KHDC1: variants seen among roughly 807,000 people sequenced by gnomAD.
KHDC1 encodes KH domain containing 1, also known as KH homology domain-containing protein 1.
A neutral mutation model predicts 24.7 loss-of-function variants in KHDC1; 21 were observed. That is an observed-to-expected ratio of 0.85 (90% CI 0.60 to 1.23). The LOEUF (loss-of-function observed/expected upper bound fraction) is 1.23, where lower values mean the gene tolerates loss of function less well. Ranked by LOEUF, KHDC1 falls within the 50% of genes most tolerant of loss-of-function variation. The pLI is 0.00. For missense variants in KHDC1, 274 were observed against 298.5 expected (o/e 0.92, Z 0.61); for synonymous variants, 98 against 111.7 (o/e 0.88, Z 0.77).
chr6:73,288,466 CA>C (rs1234300280), intron 2 of KHDC1, among the ~76,000 whole-genome samples: 2 of 152,120 alleles, frequency 1.3e-5, no homozygotes, highest in Non-Finnish European at 2.9e-5. Flanking sequence ...ACTAAAAATA[CA>C]AACATTAGCT....
At position 73,247,197 on chromosome 6, in the gene KHDC1, C is replaced by T. The variant is rs148105423; in HGVS notation, c.207-4667G>A. Among the ~76,000 whole-genome samples, 1,115 of 151,844 alleles carry T rather than the reference C, an allele frequency of 7.3e-3. 32 individuals are homozygous for T. The East Asian group carries it at 0.075, about 10-fold the overall frequency. On this transcript the variant is annotated intron_variant, in intron 2 of 4. Transcript: ENST00000370384. ...TTCACCATGTCGGCCAGGCTGGTCT[C>T]GAACTCCTGACCTCAAGTGATCACC...
chr6:73,308,029 A>G (rs1375332507), intron 1 of KHDC1, among the ~76,000 whole-genome samples: 1 of 149,368 alleles, frequency 6.7e-6, no homozygotes, highest in Non-Finnish European at 1.5e-5. Flanking sequence ...CAGCCTCCCG[A>G]GTAGCTGGGA....
At chr6:73,265,106 G>T (rs1251574427) in intron 2 of KHDC1, among the ~76,000 whole-genome samples, 2 of 152,114 alleles carry the variant, frequency 1.3e-5, no homozygotes, top group African/African-American at 4.8e-5. Flanking sequence ...AGACCTTTAG[G>T]TTGAGTGAGT....
chr6:73,297,466 A>C (rs1767777776), intron 1 of KHDC1, among the ~76,000 whole-genome samples: 1 of 152,134 alleles, frequency 6.6e-6, no homozygotes, highest in Non-Finnish European at 1.5e-5. Flanking sequence ...TGTTGCAATC[A>C]ATATCCTTGT....
intron 2 of KHDC1, among the ~76,000 whole-genome samples, chr6:73,251,992 G>A (rs1056074608): frequency 8.0e-5 from 12 of 150,920 alleles, no homozygotes; most frequent in African/African-American, 2.4e-4. Flanking sequence ...CAGAGTAGAG[G>A]GGTTATAGGC....
intron 2 of KHDC1, among the ~76,000 whole-genome samples, chr6:73,280,234 A>G (rs1582574180): frequency 6.6e-6 from 1 of 152,128 alleles, no homozygotes; most frequent in Non-Finnish European, 1.5e-5. Flanking sequence ...ACAACTCACT[A>G]CAGCCTCTAC....
At chr6:73,300,191 CAGTG>C (rs1767848505) in intron 1 of KHDC1, 1 of 152,346 alleles carries the variant, frequency 6.6e-6, no homozygotes, top group Admixed American at 6.5e-5. Context: ...CAGTTCAAGG[CAGTG>C]TCACTCTTCA....
chr6:73,242,539 G>A lies in KHDC1; in HGVS notation c.207-9C>T, dbSNP rs1184777525. 2 of 1,614,044 alleles carry A rather than the reference G, an allele frequency of 1.2e-6. No individual in the cohort carries two copies. The highest frequency in any genetic ancestry group is 1.7e-6 in the Non-Finnish European group (2 of 1,179,954). On this transcript the variant is annotated splice_polypyrimidine_tract_variant and intron_variant, in intron 2 of 4. Coordinates refer to ENST00000370384, the Ensembl canonical transcript of KHDC1. ...CCATGCTCTGCTCCGACCTGATACAGAATAGGGCCAAGTCCAAGCAACTGG... is the reference window on the plus strand; with the variant it reads ...CCATGCTCTGCTCCGACCTGATACAAAATAGGGCCAAGTCCAAGCAACTGG...
chr6:73,302,824 C>A (rs1376995740), intron 1 of KHDC1, among the ~76,000 whole-genome samples: 1 of 152,132 alleles, frequency 6.6e-6, no homozygotes, highest in Non-Finnish European at 1.5e-5. Flanking sequence ...TGCCTGTAAT[C>A]CCAGCACTTT....
chr6:73,292,123 T>G, intron 1 of KHDC1: 26 of 1,585,804 alleles, frequency 1.6e-5, no homozygotes, highest in Non-Finnish European at 2.3e-5. Flanking sequence ...TAGACTTTGC[T>G]ATGGATGCAT....
At chr6:73,272,867 T>C (rs1767208249) in intron 2 of KHDC1, among the ~76,000 whole-genome samples, 1 of 148,446 alleles carries the variant, frequency 6.7e-6, no homozygotes, top group Admixed American at 6.7e-5. Flanking sequence ...TTTTTCTTTT[T>C]TTTTTTTTGG....
chr6:73,263,061 GGCGGCGGCA>G lies in KHDC1; in HGVS notation c.207-20540_207-20532del, dbSNP rs1187731275. On this transcript the variant is annotated intron_variant, in intron 2 of 4. Transcript: ENST00000370384. ...GTAGGGCGGCGGCGGCGGCGGCGGCGGCGGCGGCAGCGGCGGCAGCGGCTGCAGGCCTGG... is the reference window on the plus strand; with the variant it reads ...GTAGGGCGGCGGCGGCGGCGGCGGCGGCGGCGGCAGCGGCTGCAGGCCTGG... 136 of 123,772 alleles carry G rather than the reference GGCGGCGGCA, an allele frequency of 1.1e-3. 3 individuals are homozygous for G. The highest frequency in any genetic ancestry group is 8.0e-3 in the South Asian group (23 of 2,858). 7.7% of individuals were successfully genotyped at this position (123,772 alleles called of 1,614,324 possible). A position where few individuals can be genotyped will look rare whatever the true frequency, so the allele number is the denominator to read the frequency against.
At chr6:73,290,337 C>T (rs1387468082) in intron 2 of KHDC1, 2 of 227,276 alleles carry the variant, frequency 8.8e-6, no homozygotes, top group African/African-American at 4.6e-5. Context: ...GAGAGGGGTC[C>T]ATACAGTGTT....
chr6:73,298,859 T>A (rs912199117), intron 1 of KHDC1, among the ~76,000 whole-genome samples: 2 of 152,104 alleles, frequency 1.3e-5, no homozygotes, highest in African/African-American at 4.8e-5. Context: ...CGCCTCAGCC[T>A]CTCAAGTAGC....
intron 2 of KHDC1, among the ~76,000 whole-genome samples, chr6:73,280,512 TTC>T (rs1480927767): frequency 7.1e-6 from 1 of 140,826 alleles, no homozygotes; most frequent in African/African-American, 2.8e-5. Context: ...GGTCTTTAAT[TTC>T]TTTTTTTTTT....
intron 2 of KHDC1, among the ~76,000 whole-genome samples, chr6:73,245,020 G>A (rs1042234662): frequency 2.6e-5 from 4 of 152,168 alleles, no homozygotes; most frequent in Non-Finnish European, 4.4e-5. Context: ...CGGAAATTCT[G>A]TACTACAGAA....
chr6:73,241,767 A>G (rs777742356), intron 4 of KHDC1, 39 bp from the exon 4 acceptor site: 14 of 1,601,858 alleles, frequency 8.7e-6, no homozygotes, highest in Middle Eastern at 1.7e-4. Flanking sequence ...ACCAGGGCCC[A>G]TAACTGGGGC....
intron 2 of KHDC1, among the ~76,000 whole-genome samples, chr6:73,282,918 C>A (rs761238693): frequency 1.9e-4 from 29 of 152,232 alleles, no homozygotes; most frequent in Non-Finnish European, 3.7e-4. Flanking sequence ...TGGTCTCCTG[C>A]ACAGCCTGTT....
At chr6:73,248,241 C>T (rs749253262) in intron 2 of KHDC1, among the ~76,000 whole-genome samples, 1 of 152,134 alleles carries the variant, frequency 6.6e-6, no homozygotes, top group South Asian at 2.1e-4. Flanking sequence ...ATGTGCATCT[C>T]CTGGAAAATC....
Sources: gnomAD v4.1 joint callset for allele counts (sites outside exome capture counted in the v4.1 genomes callset) on GRCh38, gnomAD v4.1.1 for gene constraint, MANE v1.5 for transcripts, NCBI Gene and HGNC (gene_info 2026-07-23, HGNC 2026-07-21) for gene names.